EBF2: variants seen among roughly 807,000 people sequenced by gnomAD.
The protein encoded by EBF2 is EBF transcription factor 2, also known as transcription factor COE2.
EBF2 carries 21 observed loss-of-function variants against 72.8 expected under a neutral mutation model. The ratio of observed to expected loss-of-function variants is 0.29; its 90% CI spans 0.20 to 0.42. The LOEUF (loss-of-function observed/expected upper bound fraction) is 0.42, where lower values mean the gene tolerates loss of function less well. EBF2 is among the 10% of genes least tolerant of loss of function. The pLI is 1.00. For synonymous variants in EBF2, 299 were observed against 274.2 expected (o/e 1.09, Z -0.89); for missense variants, 637 against 731.2 (o/e 0.87, Z 1.49).
At chr8:25,848,181 T>C (rs1334182928) in intron 15 of EBF2, among the ~76,000 whole-genome samples, 3 of 152,058 alleles carry the variant, frequency 2.0e-5, no homozygotes, top group African/African-American at 4.8e-5. Flanking sequence ...CTTTTAAAGG[T>C]TCAAATCACC....
Position 26,044,890 on chromosome 8 carries a change from A to C in EBF2, c.-31T>G, listed in dbSNP as rs1295893110. On this transcript the variant is annotated 5_prime_UTR_variant, in exon 1 of 16. Coordinates refer to ENST00000520164, the MANE Select transcript of EBF2 (RefSeq NM_022659.4). The surrounding 1 kb of genome is among the most constrained non-coding windows in gnomAD (Gnocchi z 4.1). ...AAGTCTGATCCTCTACTGTCGCTTTAAAAGTAAGAGTTACAACACAGTCCT... is the reference window on the plus strand; with the variant it reads ...AAGTCTGATCCTCTACTGTCGCTTTCAAAGTAAGAGTTACAACACAGTCCT... 1 of 1,611,088 alleles carries C rather than the reference A, an allele frequency of 6.2e-7. No individual in the cohort carries two copies. Among genetic ancestry groups the C allele is most frequent in the African/African-American group, 1.3e-5 (1 of 74,706 alleles).
At chr8:26,042,395 T>C in intron 1 of EBF2, 144 bp from the exon 2 acceptor site, 1 of 1,082,488 alleles carries the variant, frequency 9.2e-7, no homozygotes, top group Non-Finnish European at 1.3e-6. Flanking sequence ...TTTTTCCAAT[T>C]CGGATAAGGA....
At chr8:25,867,293 T>C (rs559185670) in intron 10 of EBF2, among the ~76,000 whole-genome samples, 1 of 152,238 alleles carries the variant, frequency 6.6e-6, no homozygotes, top group Non-Finnish European at 1.5e-5. Flanking sequence ...TCTATAAATC[T>C]TACATAGCAT....
At chr8:25,850,866 CAGATTGCAG>C in intron 14 of EBF2, 105 bp from the exon 15 acceptor site, 1 of 1,313,752 alleles carries the variant, frequency 7.6e-7, no homozygotes, top group East Asian at 2.9e-5. Flanking sequence ...TGCATTGTTC[CAGATTGCAG>C]GGATTAAAAA....
At chr8:26,007,665 G>T (rs530404812) in intron 6 of EBF2, among the ~76,000 whole-genome samples, 1 of 152,092 alleles carries the variant, frequency 6.6e-6, no homozygotes, top group East Asian at 1.9e-4. Flanking sequence ...CTAGGCTCAC[G>T]CCAAGCCTTC....
chr8:25,870,395 C>A (rs1277327503), intron 10 of EBF2, among the ~76,000 whole-genome samples: 1 of 152,110 alleles, frequency 6.6e-6, no homozygotes, highest in Admixed American at 6.5e-5. Context: ...TATAACCCCT[C>A]CCCGACTCCA....
chr8:26,007,500 AAAAC>A (rs1249337113), intron 6 of EBF2, among the ~76,000 whole-genome samples: 7 of 152,130 alleles, frequency 4.6e-5, no homozygotes, highest in African/African-American at 1.7e-4. Flanking sequence ...GTCCATATGT[AAAAC>A]AAACAAACAG....
intron 6 of EBF2, among the ~76,000 whole-genome samples, chr8:26,025,345 C>T (rs1047573099): frequency 5.3e-5 from 8 of 152,092 alleles, no homozygotes; most frequent in African/African-American, 1.9e-4. Context: ...GGGAACCATG[C>T]CTATTGTATT....
chr8:25,933,438 G>GC (rs1803516802), intron 6 of EBF2, among the ~76,000 whole-genome samples: 1 of 152,292 alleles, frequency 6.6e-6, no homozygotes, highest in Non-Finnish European at 1.5e-5. Flanking sequence ...ACAGGAATAT[G>GC]CCCTAAAGAC....
At chr8:25,879,378 C>A (rs912429081) in intron 10 of EBF2, among the ~76,000 whole-genome samples, 1 of 152,154 alleles carries the variant, frequency 6.6e-6, no homozygotes, top group African/African-American at 2.4e-5. Flanking sequence ...GGTCTTCCAG[C>A]AAACTCAATT....
At chr8:25,876,626 T>C (rs552916153) in intron 10 of EBF2, among the ~76,000 whole-genome samples, 2 of 152,248 alleles carry the variant, frequency 1.3e-5, no homozygotes, top group Non-Finnish European at 2.9e-5. Context: ...CAAGGCATCA[T>C]CTGCCAAGTA....
intron 6 of EBF2, among the ~76,000 whole-genome samples, chr8:25,976,115 A>G (rs557965413): frequency 6.6e-6 from 1 of 152,232 alleles, no homozygotes; most frequent in South Asian, 2.1e-4. Context: ...TACTATGAAA[A>G]CCCTCCTCCA....
At chr8:26,019,367 C>T (rs1300876031) in intron 6 of EBF2, among the ~76,000 whole-genome samples, 1 of 151,996 alleles carries the variant, frequency 6.6e-6, no homozygotes, top group Non-Finnish European at 1.5e-5. Context: ...TAGTTTTCTA[C>T]CAGGGAAAAC....
chr8:25,921,340 C>A (rs573649373), intron 6 of EBF2, among the ~76,000 whole-genome samples: 172 of 152,114 alleles, frequency 1.1e-3, no homozygotes, highest in Non-Finnish European at 1.9e-3. Flanking sequence ...TAAAGAAGAA[C>A]TAAACCTAGA....
chr8:25,891,785 C>G (rs527470661), intron 7 of EBF2, among the ~76,000 whole-genome samples: 23 of 152,090 alleles, frequency 1.5e-4, no homozygotes, highest in Non-Finnish European at 2.8e-4. Context: ...ACCATGTTGG[C>G]CAGGCTGGTC....
intron 6 of EBF2, among the ~76,000 whole-genome samples, chr8:26,026,052 C>T (rs1364453526): frequency 6.6e-6 from 1 of 152,164 alleles, no homozygotes; most frequent in Non-Finnish European, 1.5e-5. Context: ...AGTGGCACAA[C>T]TGTAGTCCTA....
rs193073180 is a variant in EBF2 at position 26,007,509 on chromosome 8, A to G, written c.551+25576T>C. Among the ~76,000 whole-genome samples the G allele has an allele frequency of 3.6e-3, 553 of 152,276 alleles. 9 individuals carry two copies. The highest frequency in any genetic ancestry group is 0.035 in the South Asian group (169 of 4,824). ...TCCAGGGTCCATATGTAAAACAAAC[A>G]AACAGCTAGATAAAGAAATGGATGG... On this transcript the variant is annotated intron_variant, in intron 6 of 15. Transcript: ENST00000520164.
At chr8:26,039,335 G>A (rs1416154380) in intron 5 of EBF2, among the ~76,000 whole-genome samples, 3 of 152,156 alleles carry the variant, frequency 2.0e-5, no homozygotes, top group African/African-American at 7.2e-5. Flanking sequence ...AACGCCAGTA[G>A]ACTGAACCTT....
At chr8:25,923,353 A>G (rs1170038115) in intron 6 of EBF2, among the ~76,000 whole-genome samples, 1 of 152,196 alleles carries the variant, frequency 6.6e-6, no homozygotes, top group African/African-American at 2.4e-5. Context: ...TGAAGCTACA[A>G]TTCCACCATT....
Sources: gnomAD v4.1 joint callset for allele counts (sites outside exome capture counted in the v4.1 genomes callset) on GRCh38, gnomAD v4.1.1 for gene constraint, Gnocchi (gnomAD v3.1) non-coding constraint, MANE v1.5 for transcripts, NCBI Gene and HGNC (gene_info 2026-07-23, HGNC 2026-07-21) for gene names.